Variants in ADAMTS3 observed in about 807,000 individuals in gnomAD.
ADAMTS3 encodes the protein A disintegrin and metalloproteinase with thrombospondin motifs 3.
Under a neutral mutation model 129.0 loss-of-function variants are expected in ADAMTS3, and 73 were observed. That is an observed-to-expected ratio of 0.57 (90% confidence interval 0.47 to 0.69). The LOEUF is 0.69. Ranked by LOEUF, ADAMTS3 falls within the 30% of genes least tolerant of loss-of-function variation. The pLI, the probability that ADAMTS3 is intolerant of heterozygous loss-of-function variation, is 0.00. For missense variants in ADAMTS3, 1,457 were observed against 1,514.5 expected, an observed-to-expected ratio of 0.96 and a Z score of 0.63; for synonymous variants, 477 against 510.8, an observed-to-expected ratio of 0.93 and a Z score of 0.89.
chr4:72,371,183 G>A (rs1720995953), intron 4 of ADAMTS3, among the ~76,000 whole-genome samples: 1 of 151,982 alleles, frequency 6.6e-6, no homozygotes, highest in African/African-American at 2.4e-5. Flanking sequence ...CAGACCTCTA[G>A]CCAACAGACT....
In ADAMTS3 at chr4:72,442,600, A is replaced by G. The variant is rs1022661530; in HGVS notation, c.505-27629T>C. On this transcript the variant is annotated intron_variant, in intron 3 of 21. Coordinates refer to ENST00000286657, the MANE Select transcript of ADAMTS3 (RefSeq NM_014243.3). ...CCATGGCCCAAACACCTTCCACCAGACCGCAACTCCATCACTGGCAATCAC... is the reference window on the plus strand; with the variant it reads ...CCATGGCCCAAACACCTTCCACCAGGCCGCAACTCCATCACTGGCAATCAC... Among the ~76,000 whole-genome samples, 19 of 151,774 alleles carry G rather than the reference A, an allele frequency of 1.3e-4. 1 individual carries two copies. The highest frequency in any genetic ancestry group is 1.1e-3 in the Admixed American group (16 of 15,228).
At chr4:72,470,146 C>T (rs1376606850) in intron 3 of ADAMTS3, among the ~76,000 whole-genome samples, 24 of 151,922 alleles carry the variant, frequency 1.6e-4, no homozygotes, top group Non-Finnish European at 5.9e-5. Context: ...ATGCTCAATA[C>T]TGTTTTAGTC....
chr4:72,470,376 T>TATATAC (rs557625827), intron 3 of ADAMTS3, among the ~76,000 whole-genome samples: 41 of 137,976 alleles, frequency 3.0e-4, no homozygotes, highest in East Asian at 6.6e-4. Flanking sequence ...TATATATATA[T>TATATAC]ACACACACAC....
At chr4:72,311,518 G>A (rs764436387) in intron 13 of ADAMTS3, among the ~76,000 whole-genome samples, 3 of 152,070 alleles carry the variant, frequency 2.0e-5, no homozygotes, top group East Asian at 1.9e-4. Flanking sequence ...TTTAGTTTTC[G>A]TAATATTAGA....
chr4:72,386,512 G>C (rs1422491591), intron 4 of ADAMTS3, among the ~76,000 whole-genome samples: 2 of 151,982 alleles, frequency 1.3e-5, no homozygotes, highest in South Asian at 2.1e-4. Context: ...TGCAATAAGG[G>C]AGAATCACAT....
intron 3 of ADAMTS3, among the ~76,000 whole-genome samples, chr4:72,529,259 G>A (rs1345526287): frequency 6.6e-6 from 1 of 152,142 alleles, no homozygotes; most frequent in African/African-American, 2.4e-5. Flanking sequence ...CATCAGGGAA[G>A]TATACTGAAA....
intron 3 of ADAMTS3, among the ~76,000 whole-genome samples, chr4:72,531,510 G>A (rs1721039944): frequency 6.6e-6 from 1 of 152,168 alleles, no homozygotes; most frequent in Admixed American, 6.6e-5. Context: ...TAGGTTGAGA[G>A]TAGACATGCA....
chr4:72,458,944 C>T (rs1489431442), intron 3 of ADAMTS3, among the ~76,000 whole-genome samples: 1 of 151,424 alleles, frequency 6.6e-6, no homozygotes, highest in African/African-American at 2.4e-5. Flanking sequence ...ACAACATTCC[C>T]CATAGCACAG....
At chr4:72,389,563 C>A (rs1721533604) in intron 4 of ADAMTS3, among the ~76,000 whole-genome samples, 1 of 151,626 alleles carries the variant, frequency 6.6e-6, no homozygotes, top group Admixed American at 6.6e-5. Context: ...AGAAACTATC[C>A]CTCATGAAAG....
chr4:72,394,084 T>C (rs1406890184), intron 4 of ADAMTS3, among the ~76,000 whole-genome samples: 1 of 152,198 alleles, frequency 6.6e-6, no homozygotes, highest in Admixed American at 6.5e-5. Flanking sequence ...GTCTCTAGAC[T>C]GACCCCACTC....
At chr4:72,348,512 T>G (rs928264724) in intron 4 of ADAMTS3, among the ~76,000 whole-genome samples, 2 of 152,056 alleles carry the variant, frequency 1.3e-5, no homozygotes, top group African/African-American at 4.8e-5. Context: ...CTTTCTAAAA[T>G]GGCCCCACTA....
intron 4 of ADAMTS3, among the ~76,000 whole-genome samples, chr4:72,410,309 C>G (rs887547248): frequency 2.0e-5 from 3 of 152,134 alleles, no homozygotes; most frequent in Non-Finnish European, 4.4e-5. Context: ...CTGACTTCTA[C>G]ATGTTTCCCA....
Position 72,517,801 on chromosome 4 carries a change from T to G in ADAMTS3, c.504+30677A>C, listed in dbSNP as rs1172103630. ...TCAAAAAACCAGCTCCTGGATTCAT[T>G]GATTTTTTGAAGGGTTTTTTGTGTC... is the stretch of plus-strand genomic sequence containing the variant. On this transcript the variant is annotated intron_variant, in intron 3 of 21. Coordinates refer to ENST00000286657, the MANE Select transcript of ADAMTS3 (RefSeq NM_014243.3). 2.6e-5 allele frequency among the ~76,000 whole-genome samples: 4 copies of G among 151,936 alleles called. No individual in the cohort carries two copies. The East Asian group carries it at 7.7e-4, about 29-fold the overall frequency.
intron 4 of ADAMTS3, among the ~76,000 whole-genome samples, chr4:72,378,881 T>C (rs1721204842): frequency 6.6e-6 from 1 of 152,094 alleles, no homozygotes. Context: ...TCTCCTAAAC[T>C]TTTTCTCTTT....
chr4:72,350,420 A>C (rs2109843666), intron 4 of ADAMTS3, among the ~76,000 whole-genome samples: 1 of 152,004 alleles, frequency 6.6e-6, no homozygotes, highest in South Asian at 2.1e-4. Context: ...GTTGGTTTGG[A>C]CAGATTTATT....
intron 5 of ADAMTS3, among the ~76,000 whole-genome samples, chr4:72,329,085 C>T (rs764916128): frequency 2.0e-5 from 3 of 151,964 alleles, no homozygotes; most frequent in Non-Finnish European, 4.4e-5. Flanking sequence ...GGCTATGTGC[C>T]CAAATGTTCT....
intron 3 of ADAMTS3, among the ~76,000 whole-genome samples, chr4:72,447,389 A>C (rs1229322284): frequency 1.3e-5 from 2 of 151,740 alleles, no homozygotes; most frequent in African/African-American, 4.8e-5. Flanking sequence ...CATGCAGCTA[A>C]TATTGATAAT....
chr4:72,400,979 G>T (rs1272343127), intron 4 of ADAMTS3, among the ~76,000 whole-genome samples: 1 of 148,064 alleles, frequency 6.8e-6, no homozygotes, highest in Non-Finnish European at 1.5e-5. Context: ...ACACACTATG[G>T]TGCAAATCCT....
intron 3 of ADAMTS3, among the ~76,000 whole-genome samples, chr4:72,480,944 C>A (rs1042209917): frequency 1.3e-5 from 2 of 151,788 alleles, no homozygotes; most frequent in African/African-American, 4.8e-5. Flanking sequence ...ATTTAAAATG[C>A]AGTACTATTT....
Sources: allele counts gnomAD v4.1 joint callset (sites outside exome capture counted in the v4.1 genomes callset), GRCh38; gene constraint gnomAD v4.1.1; transcripts MANE v1.5; gene names NCBI Gene and HGNC (gene_info 2026-07-23, HGNC 2026-07-21).